Variants in DLGAP2 observed in about 807,000 individuals in gnomAD.
DLGAP2 encodes disks large-associated protein 2.
Under a neutral mutation model 100.3 loss-of-function variants are expected in DLGAP2, and 26 were observed. The ratio of observed to expected loss-of-function variants is 0.26; its 90% CI spans 0.19 to 0.36. DLGAP2 has a LOEUF of 0.36. DLGAP2 is among the 10% of genes least tolerant of loss of function. The pLI, the probability that DLGAP2 is intolerant of heterozygous loss-of-function variation, is 1.00. For missense variants in DLGAP2, 1,858 were observed against 1,453.2 expected, an observed-to-expected ratio of 1.28 and a Z score of -4.53; for synonymous variants, 886 against 630.1, an observed-to-expected ratio of 1.41 and a Z score of -6.08.
intron 3 of DLGAP2, among the ~76,000 whole-genome samples, chr8:1,314,607 A>G (rs911800494): frequency 6.6e-6 from 1 of 152,144 alleles, no homozygotes; most frequent in Admixed American, 6.5e-5. Context: ...TGTGCATTAG[A>G]TTGAGGGTCT....
Position 1,299,291 on chromosome 8 carries a change from A to G in DLGAP2, c.106+40408A>G, listed in dbSNP as rs575920135. Among the ~76,000 whole-genome samples, 10 of 152,332 alleles carry G rather than the reference A, an allele frequency of 6.6e-5. No individual in the cohort carries two copies. In the South Asian group the frequency reaches 8.3e-4, roughly 13 times the overall value. ...CACCCGAGGCCACCCAGGGTGCCGC[A>G]TGGATGGTCTGTCTGGCCTCCCTGG... On this transcript the variant is annotated intron_variant, in intron 3 of 14. Coordinates refer to ENST00000637795, the MANE Select transcript of DLGAP2 (RefSeq NM_001346810.2).
At chr8:1,472,498 G>C (rs1235951048) in intron 3 of DLGAP2, among the ~76,000 whole-genome samples, 1 of 152,300 alleles carries the variant, frequency 6.6e-6, no homozygotes, top group Non-Finnish European at 1.5e-5. Flanking sequence ...CACTAAACAA[G>C]GACAAGGGTA....
intron 3 of DLGAP2, among the ~76,000 whole-genome samples, chr8:1,274,630 T>G (rs1173482299): frequency 6.6e-6 from 1 of 151,418 alleles, no homozygotes; most frequent in Admixed American, 6.6e-5. Flanking sequence ...TGGATTTGTT[T>G]TAGAACATAA....
intron 2 of DLGAP2, among the ~76,000 whole-genome samples, chr8:1,114,275 A>G (rs1358804775): frequency 6.6e-6 from 1 of 152,100 alleles, no homozygotes; most frequent in African/African-American, 2.4e-5. Flanking sequence ...TAGAAATAGT[A>G]CCAGCTCTGC....
chr8:1,683,903 C>T lies in DLGAP2; in HGVS notation c.2704+5274C>T, dbSNP rs557533239. Among the ~76,000 whole-genome samples, 502 of 78,014 alleles carry T rather than the reference C, an allele frequency of 6.4e-3. 11 individuals are homozygous for T. Among genetic ancestry groups the T allele is most frequent in the South Asian group, 0.021 (43 of 2,008 alleles). The allele number at this position is 78,014 out of a possible 152,430, so 51.2% of individuals were successfully genotyped here. On this transcript the variant is annotated intron_variant, in intron 12 of 14. Coordinates refer to ENST00000637795, the MANE Select transcript of DLGAP2 (RefSeq NM_001346810.2). ...GTGTGTGTGTGTGTGTGTGTATACA[C>T]ATATATGTGTATATATATATGTGTG...
At chr8:1,636,786 CAA>C (rs1399314204) in intron 8 of DLGAP2, among the ~76,000 whole-genome samples, 1 of 152,118 alleles carries the variant, frequency 6.6e-6, no homozygotes, top group African/African-American at 2.4e-5. Flanking sequence ...GTTTGCCTGA[CAA>C]GATGGTGAGA....
intron 3 of DLGAP2, among the ~76,000 whole-genome samples, chr8:1,323,026 C>G (rs1011670494): frequency 2.6e-5 from 4 of 151,266 alleles, no homozygotes; most frequent in African/African-American, 9.8e-5. Flanking sequence ...CACTGTTAAA[C>G]TCACAATTTT....
chr8:1,441,048 C>G (rs1356679095), intron 3 of DLGAP2, among the ~76,000 whole-genome samples: 3 of 152,100 alleles, frequency 2.0e-5, no homozygotes, highest in African/African-American at 7.2e-5. Context: ...GTTGTGTTTT[C>G]AAGGCAGAAA....
intron 2 of DLGAP2, among the ~76,000 whole-genome samples, chr8:1,081,630 C>T (rs1228475442): frequency 2.0e-5 from 3 of 152,316 alleles, no homozygotes; most frequent in Admixed American, 6.5e-5. Context: ...GGATTACAGG[C>T]GTGACCCCCA....
At chr8:1,172,511 T>G (rs1411836523) in intron 2 of DLGAP2, among the ~76,000 whole-genome samples, 1 of 152,254 alleles carries the variant, frequency 6.6e-6, no homozygotes. Context: ...CCTGTCACTT[T>G]CAGGTGCACC....
At chr8:1,243,968 G>A (rs542180465) in intron 2 of DLGAP2, among the ~76,000 whole-genome samples, 46 of 152,062 alleles carry the variant, frequency 3.0e-4, no homozygotes, top group Non-Finnish European at 4.6e-4. Flanking sequence ...CCCAGCCTCC[G>A]CACTCCACCA....
In DLGAP2 at chr8:887,507, G is replaced by C. The variant is rs888139669; in HGVS notation, c.19-20405G>C. Among the ~76,000 whole-genome samples, 17 of 152,276 alleles carry C rather than the reference G, an allele frequency of 1.1e-4. 1 individual carries two copies. Among genetic ancestry groups the C allele is most frequent in the Admixed American group, 8.5e-4 (13 of 15,298 alleles). On this transcript the variant is annotated intron_variant, in intron 1 of 14. Coordinates refer to ENST00000637795, the MANE Select transcript of DLGAP2 (RefSeq NM_001346810.2). Reference sequence around the variant, plus strand: ...TTTTGGTGTGTTTTTGCAGTGGCTGGTACCAGTTTTTCCTTTCCATATTTA... The same window carrying C: ...TTTTGGTGTGTTTTTGCAGTGGCTGCTACCAGTTTTTCCTTTCCATATTTA...
intron 3 of DLGAP2, among the ~76,000 whole-genome samples, chr8:1,447,000 A>G (rs541338902): frequency 5.3e-5 from 8 of 152,210 alleles, no homozygotes; most frequent in African/African-American, 9.6e-5. Flanking sequence ...GGGCTGAGAC[A>G]ATGGGGTTTT....
intron 1 of DLGAP2, among the ~76,000 whole-genome samples, chr8:855,110 G>A (rs1187357947): frequency 2.6e-5 from 4 of 152,216 alleles, no homozygotes; most frequent in East Asian, 1.9e-4. Context: ...TGGGATGTGC[G>A]ATTGGGTTGC....
chr8:1,601,624 A>G (rs1020252575), intron 6 of DLGAP2, among the ~76,000 whole-genome samples: 11 of 151,528 alleles, frequency 7.3e-5, no homozygotes, highest in African/African-American at 2.7e-4. Context: ...GTCCCTGAAA[A>G]CTCCGTGACA....
intron 1 of DLGAP2, among the ~76,000 whole-genome samples, chr8:849,321 C>T (rs141894529): frequency 1.4e-4 from 21 of 152,292 alleles, no homozygotes; most frequent in South Asian, 4.1e-4. Context: ...AGTACAGGAA[C>T]GAGCCGGTGT....
chr8:1,322,954 A>T (rs1263851480), intron 3 of DLGAP2, among the ~76,000 whole-genome samples: 1 of 151,888 alleles, frequency 6.6e-6, no homozygotes, highest in African/African-American at 2.4e-5. Context: ...AAGTTGTCTT[A>T]TTTTTAAAAT....
intron 3 of DLGAP2, among the ~76,000 whole-genome samples, chr8:1,437,103 G>T (rs1292958675): frequency 1.3e-5 from 2 of 151,518 alleles, no homozygotes; most frequent in Non-Finnish European, 2.9e-5. Context: ...ACGCCATCCG[G>T]GTCTCCGTTC....
At chr8:1,335,503 A>G (rs1563090104) in intron 3 of DLGAP2, among the ~76,000 whole-genome samples, 2 of 152,166 alleles carry the variant, frequency 1.3e-5, no homozygotes, top group Admixed American at 1.3e-4. Flanking sequence ...ACGTTGCAAT[A>G]TCGGACATGA....
Sources: gnomAD v4.1 joint callset for allele counts (sites outside exome capture counted in the v4.1 genomes callset) on GRCh38, gnomAD v4.1.1 for gene constraint, MANE v1.5 for transcripts, NCBI Gene and HGNC (gene_info 2026-07-23, HGNC 2026-07-21) for gene names.